The following KIAA1217 variants were observed in gnomAD, a reference collection of about 807,000 sequenced individuals.
KIAA1217 encodes the protein KIAA1217, also known as sickle tail protein homolog.
Under a neutral mutation model 163.9 loss-of-function variants are expected in KIAA1217, and 88 were observed. That is an observed-to-expected ratio of 0.54 (90% CI 0.45 to 0.64). KIAA1217 has a LOEUF of 0.64. Among genes scored for constraint, KIAA1217 ranks in the 30% least tolerant of loss-of-function variants. The pLI, the probability that KIAA1217 is intolerant of heterozygous loss-of-function variation, is 0.00. For synonymous variants in KIAA1217, 903 were observed against 923.1 expected (o/e 0.98, Z 0.39); for missense variants, 2,372 against 2,475.0 (o/e 0.96, Z 0.88).
intron 2 of KIAA1217, among the ~76,000 whole-genome samples, chr10:24,249,735 C>T (rs977569936): frequency 1.3e-5 from 2 of 152,116 alleles, no homozygotes; most frequent in Admixed American, 6.5e-5. Context: ...AAATATAGTT[C>T]TCCCAAAAAA....
At chr10:24,452,388 A>G (rs1318122912) in intron 5 of KIAA1217, among the ~76,000 whole-genome samples, 1 of 152,096 alleles carries the variant, frequency 6.6e-6, no homozygotes, top group Non-Finnish European at 1.5e-5. Context: ...GGAATGAATG[A>G]GACGGCCGGG....
intron 2 of KIAA1217, among the ~76,000 whole-genome samples, chr10:24,170,489 A>G (rs12240455): frequency 0.021 from 3,185 of 152,250 alleles, 39 homozygotes; most frequent in Middle Eastern, 0.058. Context: ...AGTGGGTTTC[A>G]CAGGGATGCA....
intron 9 of KIAA1217, among the ~76,000 whole-genome samples, chr10:24,506,896 G>C (rs1420154261): frequency 6.6e-6 from 1 of 152,204 alleles, no homozygotes; most frequent in African/African-American, 2.4e-5. Context: ...ATCAATAAAT[G>C]GGTCTGTTAT....
chr10:23,718,776 A>G (rs566287264), intron 1 of KIAA1217, among the ~76,000 whole-genome samples: 2 of 142,766 alleles, frequency 1.4e-5, no homozygotes, highest in African/African-American at 5.0e-5. Flanking sequence ...ACCTAATACA[A>G]GGTTTTGGAA....
At chr10:24,277,242 C>G (rs1018933075) in intron 2 of KIAA1217, among the ~76,000 whole-genome samples, 1 of 152,218 alleles carries the variant, frequency 6.6e-6, no homozygotes, top group Non-Finnish European at 1.5e-5. Context: ...TCCTCAGTTG[C>G]AGAAGACTGC....
intron 1 of KIAA1217, among the ~76,000 whole-genome samples, chr10:23,947,471 C>T (rs746046599): frequency 1.6e-4 from 25 of 152,210 alleles, no homozygotes; most frequent in Middle Eastern, 3.4e-3. Context: ...TCCTTTTAGC[C>T]GGTCCTATAC....
Position 24,531,917 on chromosome 10 carries a change from T to C in KIAA1217, c.3170T>C (p.Leu1057Pro), listed in dbSNP as rs61735616. ...CCGCCACCTCCTCGTCGAAGCTACC[T>C]GCCAGGATCGGGACTCACCACCACG... ...PPPPPPRRSYLPGSGLTTTRS... is the reference protein window; with the variant it reads ...PPPPPPRRSYPPGSGLTTTRS... The change falls in exon 15 of 21, where the codon CTG becomes CCG. Residue 1057 changes from leucine (L) to proline (P), a missense_variant. Transcript: ENST00000376454. 3.7e-4 allele frequency: 598 copies of C among 1,610,646 alleles called. No individual in the cohort carries two copies. The highest frequency in any genetic ancestry group is 4.7e-4 in the Non-Finnish European group (554 of 1,177,954).
At chr10:24,311,220 C>A (rs1328471766) in intron 2 of KIAA1217, among the ~76,000 whole-genome samples, 2 of 152,118 alleles carry the variant, frequency 1.3e-5, no homozygotes, top group African/African-American at 2.4e-5. Flanking sequence ...CAGGATCGGA[C>A]ATGTGTTAGT....
chr10:24,388,850 A>G (rs534676104), intron 3 of KIAA1217, among the ~76,000 whole-genome samples: 2 of 142,844 alleles, frequency 1.4e-5, no homozygotes, highest in South Asian at 2.2e-4. Context: ...TCAATCCACA[A>G]TGAGATACCA....
intron 1 of KIAA1217, among the ~76,000 whole-genome samples, chr10:23,841,948 A>C (rs1838807857): frequency 6.6e-6 from 1 of 151,560 alleles, no homozygotes; most frequent in Non-Finnish European, 1.5e-5. Flanking sequence ...GCTCACTGCA[A>C]CCTCTGCCTC....
At chr10:24,188,447 A>G (rs2066545016) in intron 2 of KIAA1217, among the ~76,000 whole-genome samples, 1 of 152,192 alleles carries the variant, frequency 6.6e-6, no homozygotes, top group Non-Finnish European at 1.5e-5. Context: ...CATGTAAAAA[A>G]GGGTCCCTTA....
intron 2 of KIAA1217, among the ~76,000 whole-genome samples, chr10:24,203,533 C>T (rs1273978835): frequency 6.6e-6 from 1 of 151,936 alleles, no homozygotes; most frequent in South Asian, 2.1e-4. Context: ...TGATTGGTTC[C>T]CCTTCCTTCT....
At chr10:24,216,379 TG>T (rs2068819997) in intron 1 of KIAA1217, among the ~76,000 whole-genome samples, 1 of 152,242 alleles carries the variant, frequency 6.6e-6, no homozygotes, top group South Asian at 2.1e-4. Context: ...TTTATCTGTA[TG>T]GCTGTATGTG....
At chr10:24,509,141 T>C (rs2068757132) in intron 9 of KIAA1217, among the ~76,000 whole-genome samples, 1 of 152,186 alleles carries the variant, frequency 6.6e-6, no homozygotes, top group Non-Finnish European at 1.5e-5. Flanking sequence ...CAAAAAGTAA[T>C]TTACTTGAAG....
intron 5 of KIAA1217, among the ~76,000 whole-genome samples, chr10:24,464,279 G>A (rs2062715558): frequency 6.6e-6 from 1 of 152,150 alleles, no homozygotes; most frequent in South Asian, 2.1e-4. Context: ...CTCTTGTAAT[G>A]ACGAATCCAT....
intron 1 of KIAA1217, among the ~76,000 whole-genome samples, chr10:23,815,394 C>T (rs1178866940): frequency 2.0e-5 from 3 of 152,164 alleles, no homozygotes; most frequent in Non-Finnish European, 4.4e-5. Context: ...CCTGTAATCC[C>T]AGCACTTTGG....
chr10:24,202,184 G>A (rs1235900562), intron 2 of KIAA1217, among the ~76,000 whole-genome samples: 1 of 152,222 alleles, frequency 6.6e-6, no homozygotes, highest in Non-Finnish European at 1.5e-5. Context: ...ACCGGAGGCT[G>A]AGAACTGATG....
intron 3 of KIAA1217, 94 bp from the exon 4 acceptor site, chr10:24,432,900 CG>C: frequency 1.1e-6 from 1 of 911,156 alleles, no homozygotes. Flanking sequence ...TTGTCCTGAA[CG>C]TTCCTAAGTG....
At chr10:24,077,117 TCCA>T (rs2061393439) in intron 2 of KIAA1217, among the ~76,000 whole-genome samples, 1 of 152,184 alleles carries the variant, frequency 6.6e-6, no homozygotes. Context: ...CCTCAGGTGA[TCCA>T]CTGACCTCAG....
Sources: gnomAD v4.1 joint callset for allele counts (sites outside exome capture counted in the v4.1 genomes callset) on GRCh38, gnomAD v4.1.1 for gene constraint, MANE v1.5 for transcripts, NCBI Gene and HGNC (gene_info 2026-07-23, HGNC 2026-07-21) for gene names.